Variants in NUGGC observed in about 807,000 individuals in gnomAD.
NUGGC encodes the protein nuclear GTPase SLIP-GC.
Under a neutral mutation model 92.6 loss-of-function variants are expected in NUGGC, and 58 were observed. The ratio of observed to expected loss-of-function variants is 0.63; its 90% CI spans 0.51 to 0.78. The LOEUF (loss-of-function observed/expected upper bound fraction) is 0.78. Among genes scored for constraint, NUGGC ranks in the 30% least tolerant of loss-of-function variants. The pLI, the probability that NUGGC is intolerant of heterozygous loss-of-function variation, is 0.00. For missense variants in NUGGC, 925 were observed against 964.6 expected (o/e 0.96, Z 0.54); for synonymous variants, 376 against 366.4 (o/e 1.03, Z -0.30).
chr8:28,073,012 T>C (rs925873696), intron 2 of NUGGC, among the ~76,000 whole-genome samples: 1 of 151,728 alleles, frequency 6.6e-6, no homozygotes, highest in Non-Finnish European at 1.5e-5. Flanking sequence ...GAAATTTTTT[T>C]TTTTTTTTTG....
intron 4 of NUGGC, 31 bp from the exon 5 acceptor site, chr8:28,068,469 G>GATC (rs1298071048): frequency 7.0e-7 from 1 of 1,423,420 alleles, no homozygotes. Context: ...ACATTGCCAT[G>GATC]ATCATCAAAG....
intron 1 of NUGGC, among the ~76,000 whole-genome samples, chr8:28,074,941 GAA>G (rs367744495): frequency 2.7e-5 from 4 of 150,624 alleles, no homozygotes; most frequent in African/African-American, 4.9e-5. Context: ...TCTGTCTTGA[GAA>G]AAAAAAAGAG....
At chr8:28,031,189 G>A in intron 15 of NUGGC, 54 bp downstream of exon 15, 1 of 1,603,360 alleles carries the variant, frequency 6.2e-7, no homozygotes, top group African/African-American at 1.3e-5. Flanking sequence ...AAACTGGCCT[G>A]GGAAGAAAGC....
chr8:28,067,876 G>T (rs1366020069), intron 5 of NUGGC, 132 bp from the exon 6 acceptor site: 7 of 704,992 alleles, frequency 9.9e-6, no homozygotes, highest in Admixed American at 2.8e-5. Context: ...TCTATCTGGG[G>T]TCTCGAAGAG....
intron 2 of NUGGC, 37 bp downstream of exon 2, chr8:28,074,331 C>T (rs757656836): frequency 1.4e-6 from 2 of 1,432,352 alleles, no homozygotes; most frequent in Non-Finnish European, 2.0e-6. Context: ...TAATCAGTTC[C>T]TATATCCTCC....
chr8:28,030,168 G>A (rs2130076763), intron 16 of NUGGC, 142 bp downstream of exon 16: 4 of 621,718 alleles, frequency 6.4e-6, no homozygotes, highest in East Asian at 2.8e-5. Context: ...CAGTCATGTG[G>A]TTGCAATGTG....
intron 10 of NUGGC, among the ~76,000 whole-genome samples, chr8:28,048,369 G>A (rs1809894959): frequency 6.6e-6 from 1 of 152,240 alleles, no homozygotes; most frequent in East Asian, 1.9e-4. Flanking sequence ...TTACACCACA[G>A]GAATTGGCAA....
intron 10 of NUGGC, among the ~76,000 whole-genome samples, chr8:28,049,899 A>ATTTTT (rs1376008602): frequency 6.6e-6 from 1 of 152,166 alleles, no homozygotes; most frequent in Non-Finnish European, 1.5e-5. Context: ...CAGCCTAGCC[A>ATTTTT]ACATGGTGAA....
chr8:28,031,329 G>T lies in NUGGC; in HGVS notation c.1822C>A (p.Gln608Lys). The change falls in exon 15 of 19, where the codon CAG (glutamine) becomes AAG (lysine). Residue 608 changes from glutamine (Q) to lysine (K), a missense_variant. By Grantham distance (53) the Gln-to-Lys change is moderately conservative. Coordinates refer to ENST00000413272, the MANE Select transcript of NUGGC (RefSeq NM_001010906.2). The part of the protein sequence containing the change: ...ALMPHIDAFK[Q>K]SLQEKMTEIG... ...TCTGTCATTTTCTCCTGCAGGGACT[G>T]CTTAAAAGCATCTATGTGAGGCATC... 6.2e-7 allele frequency: 1 copy of T among 1,613,832 alleles called. No homozygotes were observed. Among genetic ancestry groups the T allele is most frequent in the Non-Finnish European group, 8.5e-7 (1 of 1,179,712 alleles).
chr8:28,044,173 G>C (rs11781876), intron 12 of NUGGC, among the ~76,000 whole-genome samples: 81,478 of 151,778 alleles, frequency 0.54, 22,505 homozygotes, highest in African/African-American at 0.65. Context: ...CTTCCCCATC[G>C]TGAGGACCAG....
intron 8 of NUGGC, 163 bp downstream of exon 8, chr8:28,060,263 C>A (rs1442064944): frequency 2.6e-6 from 2 of 758,118 alleles, no homozygotes; most frequent in South Asian, 1.5e-5. Flanking sequence ...ACCAAGGGTC[C>A]TGATGTCCCA....
chr8:28,083,027 A>G (rs962335925), intron 1 of NUGGC, among the ~76,000 whole-genome samples: 6 of 152,250 alleles, frequency 3.9e-5, no homozygotes, highest in African/African-American at 1.4e-4. Flanking sequence ...TCCCATATAC[A>G]GAAGAATTCC....
intron 2 of NUGGC, 45 bp from the exon 3 acceptor site, chr8:28,070,401 T>A: frequency 9.4e-7 from 1 of 1,058,282 alleles, no homozygotes; most frequent in South Asian, 1.4e-5. Context: ...TGTTGGGGTA[T>A]GGTATTCTTG....
intron 17 of NUGGC, among the ~76,000 whole-genome samples, chr8:28,029,048 C>A (rs1205303862): frequency 6.6e-6 from 1 of 152,136 alleles, no homozygotes; most frequent in Non-Finnish European, 1.5e-5. Flanking sequence ...TAGCTGAGCA[C>A]ATGTCTAGCT....
intron 14 of NUGGC, among the ~76,000 whole-genome samples, chr8:28,032,389 G>C (rs576580058): frequency 1.3e-5 from 2 of 152,216 alleles, no homozygotes; most frequent in African/African-American, 4.8e-5. Flanking sequence ...CTGTACTTGG[G>C]GACTGGGAGA....
chr8:28,073,533 G>C (rs1028893569), intron 2 of NUGGC, among the ~76,000 whole-genome samples: 1 of 152,112 alleles, frequency 6.6e-6, no homozygotes, highest in Admixed American at 6.5e-5. Context: ...AAAACACAAA[G>C]GATATGATAC....
chr8:28,060,012 C>T (rs1810255778), intron 8 of NUGGC, among the ~76,000 whole-genome samples: 1 of 146,986 alleles, frequency 6.8e-6, no homozygotes, highest in South Asian at 2.2e-4. Flanking sequence ...CACAGCAAGA[C>T]TCTGTGCCAA....
At chr8:28,023,639 G>A (rs1439532489) in intron 18 of NUGGC, among the ~76,000 whole-genome samples, 177 bp from the exon 19 acceptor site, 1 of 152,158 alleles carries the variant, frequency 6.6e-6, no homozygotes, top group Non-Finnish European at 1.5e-5. Context: ...TTCTCAGCAT[G>A]GGGTCACCCT....
chr8:28,067,425 C>A (rs1810463871), intron 6 of NUGGC, 89 bp downstream of exon 6: 5 of 812,852 alleles, frequency 6.2e-6, no homozygotes, highest in Non-Finnish European at 1.0e-5. Flanking sequence ...CACACAAACA[C>A]TGTACCACAA....
Sources: gnomAD v4.1 joint callset for allele counts (sites outside exome capture counted in the v4.1 genomes callset) on GRCh38, gnomAD v4.1.1 for gene constraint, MANE v1.5 for transcripts, NCBI Gene and HGNC (gene_info 2026-07-23, HGNC 2026-07-21) for gene names.